The following TNRC6C variants were observed in gnomAD, a reference collection of about 807,000 sequenced individuals.
The protein encoded by TNRC6C is trinucleotide repeat containing adaptor 6C.
In TNRC6C, 20 loss-of-function variants were observed where a neutral mutation model predicts 153.7. The ratio of observed to expected loss-of-function variants is 0.13; its 90% CI spans 0.09 to 0.19. The LOEUF (loss-of-function observed/expected upper bound fraction) is 0.19. Ranked by LOEUF, TNRC6C falls within the 10% of genes least tolerant of loss-of-function variation. The pLI, the probability that TNRC6C is intolerant of heterozygous loss-of-function variation, is 1.00. For synonymous variants in TNRC6C, 811 were observed against 841.4 expected (o/e 0.96, Z 0.63); for missense variants, 1,987 against 2,172.0 (o/e 0.91, Z 1.69).
chr17:78,020,252 A>G (rs1247230965), intron 1 of TNRC6C, among the ~76,000 whole-genome samples: 2 of 152,226 alleles, frequency 1.3e-5, no homozygotes, highest in African/African-American at 2.4e-5. Flanking sequence ...CAAGCTGGAA[A>G]TATCACTGTG....
At chr17:78,084,778 G>A (rs2073249591) in intron 11 of TNRC6C, among the ~76,000 whole-genome samples, 1 of 151,912 alleles carries the variant, frequency 6.6e-6, no homozygotes, top group African/African-American at 2.4e-5. Context: ...ACAGGCGCCC[G>A]CCACCACGCC....
chr17:77,987,452 G>A (rs1378456906), intron 1 of TNRC6C, among the ~76,000 whole-genome samples: 4 of 152,098 alleles, frequency 2.6e-5, no homozygotes, highest in Admixed American at 2.6e-4. Flanking sequence ...ATACCCTTTT[G>A]TTTTAGGAAG....
intron 2 of TNRC6C, 140 bp from the exon 5 acceptor site, chr17:78,048,705 T>C: frequency 1.2e-6 from 1 of 841,298 alleles, no homozygotes; most frequent in East Asian, 3.3e-5. Context: ...AATAGCTTTT[T>C]TCTTTAAGTC....
At chr17:77,988,587 A>G (rs987653060) in intron 1 of TNRC6C, among the ~76,000 whole-genome samples, 9 of 152,192 alleles carry the variant, frequency 5.9e-5, no homozygotes, top group Non-Finnish European at 1.2e-4. Context: ...AAGTTTGGTT[A>G]TAATTAGCAT....
chr17:78,067,565 A>G (rs1347763795), intron 4 of TNRC6C, among the ~76,000 whole-genome samples, 192 bp from the exon 7 acceptor site: 2 of 152,236 alleles, frequency 1.3e-5, no homozygotes, highest in Non-Finnish European at 2.9e-5. Context: ...AGGAAAAATT[A>G]TATACATATA....
intron 1 of TNRC6C, among the ~76,000 whole-genome samples, chr17:77,961,118 G>T (rs1372066886): frequency 6.7e-6 from 1 of 148,778 alleles, no homozygotes; most frequent in Non-Finnish European, 1.5e-5. Context: ...TGTGCTTCTT[G>T]TCCAAAACAA....
At chr17:78,058,019 T>A (rs1406889134) in intron 3 of TNRC6C, among the ~76,000 whole-genome samples, 1 of 152,196 alleles carries the variant, frequency 6.6e-6, no homozygotes, top group East Asian at 1.9e-4. Context: ...ACAACAGTAT[T>A]AGTCCAGAGA....
intron 4 of TNRC6C, chr17:78,066,957 C>T (rs1210291880): frequency 6.6e-6 from 1 of 152,202 alleles, no homozygotes; most frequent in Admixed American, 6.5e-5. Flanking sequence ...ATGCTCATTT[C>T]AGCAGCACAT....
exon 3 of TNRC6C, chr17:78,048,983 C>A: frequency 2.1e-6 from 3 of 1,400,854 alleles, no homozygotes; most frequent in Non-Finnish European, 2.8e-6. Context: ...CCTTCCATCA[C>A]AGGAACAGAG....
chr17:77,995,289 G>T (rs2071311066), intron 1 of TNRC6C, among the ~76,000 whole-genome samples: 1 of 152,240 alleles, frequency 6.6e-6, no homozygotes, highest in African/African-American at 2.4e-5. Context: ...GAGGCACTGT[G>T]TGTGCAGGGG....
intron 1 of TNRC6C, among the ~76,000 whole-genome samples, chr17:77,970,462 T>C (rs1322614053): frequency 6.6e-6 from 1 of 152,204 alleles, no homozygotes; most frequent in African/African-American, 2.4e-5. Flanking sequence ...TTGCTGGGAT[T>C]GCAAGTGTGA....
intron 1 of TNRC6C, among the ~76,000 whole-genome samples, chr17:78,030,754 TAGAG>T (rs1340988310): frequency 6.6e-6 from 1 of 152,170 alleles, no homozygotes; most frequent in East Asian, 1.9e-4. Flanking sequence ...GTGGTTCTCA[TAGAG>T]AGGTGCTGGA....
intron 1 of TNRC6C, among the ~76,000 whole-genome samples, chr17:77,969,122 C>G (rs1330751263): frequency 6.6e-6 from 1 of 152,170 alleles, no homozygotes; most frequent in Non-Finnish European, 1.5e-5. Context: ...CATTTATTCT[C>G]CTTAATAAGA....
chr17:78,012,528 A>C lies in TNRC6C; in HGVS notation c.-546+7449A>C, dbSNP rs140406726. ...TTTTAAAAAAGTTCCCTGTTCTCAA[A>C]GAGATATTTTAGTGGGAAGAGCCAG... On this transcript the variant is annotated intron_variant, in intron 1 of 19. Coordinates refer to ENST00000301624, the Ensembl canonical transcript of TNRC6C. Among the ~76,000 whole-genome samples the C allele has an allele frequency of 5.6e-3, 849 of 152,338 alleles. 6 individuals are homozygous for C. The highest frequency in any genetic ancestry group is 0.019 in the African/African-American group (800 of 41,568).
chr17:77,977,926 C>T (rs1447320319), intron 1 of TNRC6C, among the ~76,000 whole-genome samples: 2 of 129,986 alleles, frequency 1.5e-5, no homozygotes, highest in African/African-American at 6.1e-5. Flanking sequence ...GGCAGAGTCT[C>T]GCTCTGTCGT....
At chr17:78,086,408 CT>C in intron 11 of TNRC6C, 94 bp from the exon 14 acceptor site, 4 of 854,250 alleles carry the variant, frequency 4.7e-6, no homozygotes, top group South Asian at 1.6e-5. Flanking sequence ...GCTAGGTTCT[CT>C]TTTTTTATTT....
At chr17:78,048,866 C>T (rs2072461283) in exon 3 of TNRC6C, 4 of 1,244,002 alleles carry the variant, frequency 3.2e-6, no homozygotes, top group Non-Finnish European at 4.0e-6. Flanking sequence ...AGTGGATTGG[C>T]AGATCATTAT....
rs546887430 is a variant in TNRC6C at position 78,034,884 on chromosome 17, G to A, written c.-219+3042G>A. Reference sequence around the variant, plus strand: ...CTCAAGAGGCTGAGGTGGGACAATCGCTTGAGTCTGGGAGGTGGAGGATGC... The same window carrying A: ...CTCAAGAGGCTGAGGTGGGACAATCACTTGAGTCTGGGAGGTGGAGGATGC... On this transcript the variant is annotated intron_variant, in intron 2 of 19. Transcript: ENST00000301624. Among the ~76,000 whole-genome samples, 11 of 152,230 alleles carry A rather than the reference G, an allele frequency of 7.2e-5. No individual in the cohort carries two copies. The South Asian group carries it at 2.3e-3, about 32-fold the overall frequency.
At chr17:77,974,074 G>A (rs1188826326) in intron 1 of TNRC6C, among the ~76,000 whole-genome samples, 1 of 151,318 alleles carries the variant, frequency 6.6e-6, no homozygotes, top group Non-Finnish European at 1.5e-5. Flanking sequence ...GAGAGAGAGA[G>A]AGAGAAAGAA....
Sources: gnomAD v4.1 joint callset for allele counts (sites outside exome capture counted in the v4.1 genomes callset) on GRCh38, gnomAD v4.1.1 for gene constraint, MANE v1.5 for transcripts, NCBI Gene and HGNC (gene_info 2026-07-23, HGNC 2026-07-21) for gene names.